The following DMP1 variants were observed in gnomAD, a reference collection of about 807,000 sequenced individuals.
The protein encoded by DMP1 is dentin matrix protein 1.
Under a neutral mutation model 14.6 loss-of-function variants are expected in DMP1, and 20 were observed. The ratio of observed to expected loss-of-function variants is 1.37; its 90% CI spans 0.96 to 1.99. The LOEUF is 1.99. Ranked by LOEUF, DMP1 falls within the 30% of genes most tolerant of loss-of-function variation. DMP1 has a pLI of 0.00. For missense variants in DMP1, 567 were observed against 620.5 expected (o/e 0.91, Z 0.92); for synonymous variants, 197 against 215.3 (o/e 0.91, Z 0.75).
chr4:87,651,582 A>G (rs528961186), intron 1 of DMP1, among the ~76,000 whole-genome samples: 7 of 152,024 alleles, frequency 4.6e-5, no homozygotes, highest in Admixed American at 1.3e-4. Flanking sequence ...TTATTTTATT[A>G]TTATTGTTTA....
At chr4:87,654,555 C>T (rs942174402) in intron 1 of DMP1, among the ~76,000 whole-genome samples, 3 of 152,116 alleles carry the variant, frequency 2.0e-5, no homozygotes, top group Non-Finnish European at 4.4e-5. Flanking sequence ...CTACCAGAAA[C>T]ATCTATGGTC....
chr4:87,659,112 C>G, intron 3 of DMP1, 108 bp from the exon 4 acceptor site: 1 of 1,152,262 alleles, frequency 8.7e-7, no homozygotes, highest in Non-Finnish European at 1.3e-6. Context: ...AATGTAAGAT[C>G]TCTACCAAGA....
rs1728948276 is a variant in DMP1 at position 87,662,742 on chromosome 4, A to C, written c.964A>C (p.Lys322Gln). 1 of 1,614,176 alleles carries C rather than the reference A, an allele frequency of 6.2e-7. No homozygotes were observed. Among genetic ancestry groups the C allele is most frequent in the Non-Finnish European group, 8.5e-7 (1 of 1,180,032 alleles). Residue 322 changes from lysine (K) to glutamine (Q), a missense_variant, in exon 6 of 6, where the codon AAG becomes CAG. Transcript: ENST00000339673. ...DSKGDSQEDS[K>Q]ENLSQEESQN... Reference sequence around the variant, plus strand: ...CAAGGGTGACTCTCAAGAAGACAGCAAGGAGAATCTGTCCCAGGAAGAGAG... The same window carrying C: ...CAAGGGTGACTCTCAAGAAGACAGCCAGGAGAATCTGTCCCAGGAAGAGAG...
At position 87,662,398 on chromosome 4, in the gene DMP1, G is replaced by C. The variant is rs200520896; in HGVS notation, c.620G>C (p.Gly207Ala). 6.2e-7 allele frequency: 1 copy of C among 1,614,052 alleles called. No individual in the cohort carries two copies. Among genetic ancestry groups the C allele is most frequent in the African/African-American group, 1.3e-5 (1 of 74,934 alleles). Residue 207 changes from glycine (G) to alanine (A), a missense_variant, in exon 6 of 6, where the codon GGC becomes GCC. Gly to Ala is a moderately conservative substitution (Grantham distance 60). Transcript: ENST00000339673. The stretch of plus-strand genomic sequence containing the variant: ...GATGGGGAGAGCAGCCATGGAGACG[G>C]CTCCGAGTTGGACGATGAGGGAATG... ...GSDGESSHGD[G>A]SELDDEGMQS... is the part of the protein sequence containing the mutation.
intron 5 of DMP1, among the ~76,000 whole-genome samples, chr4:87,660,416 T>C (rs1451224756): frequency 6.6e-6 from 1 of 152,150 alleles, no homozygotes; most frequent in Non-Finnish European, 1.5e-5. Context: ...TAACGAGGTA[T>C]GGCAGGTTAA....
At chr4:87,659,715 G>A (rs569042434) in intron 5 of DMP1, among the ~76,000 whole-genome samples, 1 of 152,284 alleles carries the variant, frequency 6.6e-6, no homozygotes, top group South Asian at 2.1e-4. Flanking sequence ...GGCCCCAAAT[G>A]TCTCTCCTAG....
intron 5 of DMP1, 71 bp downstream of exon 5, chr4:87,659,549 A>G: frequency 7.3e-7 from 1 of 1,370,342 alleles, no homozygotes; most frequent in Non-Finnish European, 1.0e-6. Context: ...AGATTAAATT[A>G]CCTGGCGACA....
In DMP1 at chr4:87,663,266, T is replaced by C. The variant is rs757441962; in HGVS notation, c.1488T>C (p.Tyr496=). ...IESRKLTVDA[Y]HNKPIGDQDD... is the part of the protein sequence containing the mutation. ...GCCGGAAATTAACAGTTGATGCCTA[T>C]CACAACAAACCCATTGGGGACCAAG... The change falls in exon 6 of 6, where the codon TAT becomes TAC. Residue 496 remains tyrosine (Y), a synonymous_variant. Transcript: ENST00000339673. The C allele has an allele frequency of 6.2e-7, 1 of 1,614,172 alleles. No individual in the cohort carries two copies. Among genetic ancestry groups the C allele is most frequent in the South Asian group, 1.1e-5 (1 of 91,078 alleles).
chr4:87,659,982 G>C (rs540094849), intron 5 of DMP1, among the ~76,000 whole-genome samples: 11 of 152,294 alleles, frequency 7.2e-5, no homozygotes, highest in African/African-American at 2.4e-4. Context: ...TGTGGGACTG[G>C]GCTCTGGGAG....
chr4:87,662,202 G>T lies in DMP1; in HGVS notation c.424G>T (p.Asp142Tyr), dbSNP rs201761802. The change falls in exon 6 of 6, where the codon GAC (aspartate) becomes TAC (tyrosine). Residue 142 changes from aspartate (D) to tyrosine (Y), a missense_variant. Transcript: ENST00000339673. ...ACTGGGAAGTGATGAGGACTCTGAT[G>T]ACACCATACAAGCCAGTGAAGAGAG... The part of the protein sequence containing the change: ...SRLGSDEDSD[D>Y]TIQASEESAP... 3.2e-5 allele frequency: 51 copies of T among 1,614,192 alleles called. No homozygotes were observed. The East Asian group carries it at 8.7e-4, about 28-fold the overall frequency.
At chr4:87,658,708 A>T (rs75828886) in intron 3 of DMP1, 4,913 of 167,258 alleles carry the variant, frequency 0.029, 243 homozygotes, top group African/African-American at 0.11. Context: ...ATTTATGAAT[A>T]AGAAACTGGT....
chr4:87,657,136 C>A (rs1728723657), intron 3 of DMP1, 57 bp downstream of exon 3: 1 of 1,008,794 alleles, frequency 9.9e-7, no homozygotes, highest in African/African-American at 1.6e-5. Context: ...ATGAGTATAA[C>A]CAAATTGATT....
chr4:87,659,696 T>C (rs1728802675), intron 5 of DMP1, among the ~76,000 whole-genome samples: 1 of 152,234 alleles, frequency 6.6e-6, no homozygotes, highest in Non-Finnish European at 1.5e-5. Context: ...CCTAGATTGC[T>C]GGCACTGTGG....
rs1304764538 is a variant in DMP1, at chr4:87,663,117, A to G, written c.1339A>G (p.Ser447Gly). 6 of 1,614,196 alleles carry G rather than the reference A, an allele frequency of 3.7e-6. No individual in the cohort carries two copies. The highest frequency in any genetic ancestry group is 2.2e-5 in the East Asian group (1 of 44,872). Residue 447 changes from serine (S) to glycine (G), a missense_variant, in exon 6 of 6, where the codon AGC (serine) becomes GGC (glycine). Transcript: ENST00000339673. ...SSSAESQSEE[S>G]HSEEDDSDSQ... Reference sequence around the variant, plus strand: ...CTCAGCAGAGAGTCAGAGCGAGGAAAGCCATTCTGAGGAAGACGACAGTGA... The same window carrying G: ...CTCAGCAGAGAGTCAGAGCGAGGAAGGCCATTCTGAGGAAGACGACAGTGA...
At chr4:87,658,087 T>C (rs1307630536) in intron 3 of DMP1, among the ~76,000 whole-genome samples, 1 of 152,250 alleles carries the variant, frequency 6.6e-6, no homozygotes. Flanking sequence ...TTCTCAAGTC[T>C]AGCCTTGGCA....
Position 87,656,515 on chromosome 4 carries a change from T to G in DMP1, c.23T>G (p.Met8Arg). MKISILL[M>R]FLWGLSCALP... ...ACTATGAAGATCAGCATCCTGCTCA[T>G]GTTCCTTTGGGGATTATCCTGTGCT... Residue 8 changes from methionine (M) to arginine (R), a missense_variant, in exon 2 of 6, where the codon ATG becomes AGG. By Grantham distance (91) the Met-to-Arg change is moderately conservative (BLOSUM62 -1). Coordinates refer to ENST00000339673, the MANE Select transcript of DMP1 (RefSeq NM_004407.4). The G allele has an allele frequency of 6.2e-7, 1 of 1,610,502 alleles. No individual in the cohort carries two copies. Among genetic ancestry groups the G allele is most frequent in the African/African-American group, 1.3e-5 (1 of 74,968 alleles).
chr4:87,663,700 C>A lies in DMP1; in HGVS notation c.*380C>A. The A allele has an allele frequency of 9.2e-6, 3 of 324,904 alleles. No individual in the cohort carries two copies. Among genetic ancestry groups the A allele is most frequent in the Non-Finnish European group, 1.8e-5 (3 of 170,008 alleles). 20.1% of individuals were successfully genotyped at this position (324,904 alleles called of 1,614,324 possible). A position where few individuals can be genotyped will look rare whatever the true frequency, so the allele number is the denominator to read the frequency against. On this transcript the variant is annotated 3_prime_UTR_variant, in exon 6 of 6. Coordinates refer to ENST00000339673, the MANE Select transcript of DMP1 (RefSeq NM_004407.4). The stretch of plus-strand genomic sequence containing the variant: ...AGACTTGTTTCTTGCTCCTGAGGAG[C>A]GTATAGAAGGACCCACAAAGCTACA...
Position 87,663,727 on chromosome 4 carries a change from A to T in DMP1, c.*407A>T, listed in dbSNP as rs1729002213. 3.3e-6 allele frequency: 1 copy of T among 306,636 alleles called. No individual in the cohort carries two copies. The highest frequency in any genetic ancestry group is 6.2e-6 in the Non-Finnish European group (1 of 160,748). The allele number at this position is 306,636 out of a possible 1,614,324, so 19.0% of individuals were successfully genotyped here. ...TATAGAAGGACCCACAAAGCTACAG[A>T]GTTAAAGAGGGATATGTATAAGAGA... On this transcript the variant is annotated 3_prime_UTR_variant, in exon 6 of 6. Transcript: ENST00000339673.
intron 1 of DMP1, among the ~76,000 whole-genome samples, chr4:87,651,518 C>G (rs1488058049): frequency 6.6e-6 from 1 of 151,982 alleles, no homozygotes; most frequent in Non-Finnish European, 1.5e-5. Flanking sequence ...AAAACAAATT[C>G]TAGCAGGTTC....
Sources: allele counts gnomAD v4.1 joint callset (sites outside exome capture counted in the v4.1 genomes callset), GRCh38; gene constraint gnomAD v4.1.1; transcripts MANE v1.5; gene names NCBI Gene and HGNC (gene_info 2026-07-23, HGNC 2026-07-21).